Variants in TUBGCP5 observed in about 807,000 individuals in gnomAD.
TUBGCP5 encodes tubulin gamma complex component 5.
TUBGCP5 carries 98 observed loss-of-function variants against 134.7 expected under a neutral mutation model. That is an observed-to-expected ratio of 0.73 (90% CI 0.62 to 0.86). The LOEUF is 0.86. Ranked by LOEUF, TUBGCP5 falls within the 40% of genes least tolerant of loss-of-function variation. The pLI is 0.00. For missense variants in TUBGCP5, 1,150 were observed against 1,244.8 expected, an observed-to-expected ratio of 0.92 and a Z score of 1.15; for synonymous variants, 456 against 431.4, an observed-to-expected ratio of 1.06 and a Z score of -0.71.
intron 5 of TUBGCP5, among the ~76,000 whole-genome samples, chr15:23,031,640 T>C (rs1306952774): frequency 1.3e-5 from 2 of 151,986 alleles, no homozygotes. Flanking sequence ...ATTTATTTTT[T>C]AAAAATAGAC....
chr15:23,036,921 T>C lies in TUBGCP5; in HGVS notation c.285A>G (p.Pro95=), dbSNP rs750979460. The stretch of plus-strand genomic sequence containing the variant: ...CCTTTATTTCCTTTATACTGGGAAG[T>C]GGTGCATTTAGAAATTCCTCCGTTA... The part of the protein sequence containing the change: ...KRLTEEFLNA[P]LPSIKEIKTD... The change falls in exon 3 of 23, where the codon CCA becomes CCG. Residue 95 remains proline (P), a synonymous_variant. Coordinates refer to ENST00000615383, the MANE Select transcript of TUBGCP5 (RefSeq NM_052903.6). 2 of 1,610,782 alleles carry C rather than the reference T, an allele frequency of 1.2e-6. No homozygotes were observed. Among genetic ancestry groups the C allele is most frequent in the Admixed American group, 1.7e-5 (1 of 59,950 alleles).
chr15:22,993,916 A>T (rs2063950368), intron 23 of TUBGCP5, among the ~76,000 whole-genome samples: 1 of 151,258 alleles, frequency 6.6e-6, no homozygotes, highest in South Asian at 2.1e-4. Flanking sequence ...CCTGGGCTCA[A>T]GCGATTCGCC....
intron 13 of TUBGCP5, among the ~76,000 whole-genome samples, chr15:23,016,969 G>GATATGTGTATATATATATATATATAT (rs1555439436): frequency 1.7e-4 from 19 of 109,428 alleles, no homozygotes; most frequent in African/African-American, 6.8e-4. Flanking sequence ...AAAATTGTGA[G>GATATGTGTATATATATATATATATAT]ATATATATAT....
Position 23,022,075 on chromosome 15 carries a change from C to T in TUBGCP5, c.1255G>A (p.Gly419Arg). Reference protein sequence around the residue: ...LKVLHKVFSTGVAEVPPDTRN... With the variant: ...LKVLHKVFSTRVAEVPPDTRN... ...GTATCAGGTGGAACTTCTGCTACTC[C>T]AGTACTAAACACTTTGTGCAGAACC... Residue 419 changes from glycine to arginine, a missense_variant, in exon 11 of 23, where the codon GGA (glycine) becomes AGA (arginine). Physicochemically the swap from Gly to Arg is moderately radical, Grantham distance 125. This residue lies in a region of TUBGCP5 where 697 missense variants were observed against 850.1 expected (regional missense o/e 0.82). Transcript: ENST00000615383. 6.2e-7 allele frequency: 1 copy of T among 1,614,182 alleles called. No individual in the cohort carries two copies. The highest frequency in any genetic ancestry group is 8.5e-7 in the Non-Finnish European group (1 of 1,180,022).
chr15:23,021,331 A>G (rs537975396), intron 11 of TUBGCP5, among the ~76,000 whole-genome samples: 93 of 152,160 alleles, frequency 6.1e-4, no homozygotes, highest in African/African-American at 2.1e-3. Context: ...TCTTAACTGT[A>G]TATTTTAAAA....
chr15:22,987,471 G>T (rs180985853), intron 23 of TUBGCP5, among the ~76,000 whole-genome samples: 1 of 152,052 alleles, frequency 6.6e-6, no homozygotes, highest in African/African-American at 2.4e-5. Context: ...TCAAATCCCT[G>T]GAACCTGTGG....
At chr15:23,016,263 C>T (rs1006074081) in intron 13 of TUBGCP5, among the ~76,000 whole-genome samples, 2 of 152,148 alleles carry the variant, frequency 1.3e-5, no homozygotes, top group African/African-American at 4.8e-5. Flanking sequence ...GAGGCCAAGG[C>T]GGGCAGATCA....
At chr15:23,009,899 G>T in intron 15 of TUBGCP5, 46 bp downstream of exon 15, 1 of 1,548,558 alleles carries the variant, frequency 6.5e-7, no homozygotes, top group Non-Finnish European at 8.8e-7. Flanking sequence ...TGTTCTTCAA[G>T]TACAATCAAC....
At chr15:22,996,261 CT>C (rs1182381714), downstream of TUBGCP5, among the ~76,000 whole-genome samples, 2 of 152,070 alleles carry the variant, frequency 1.3e-5, no homozygotes, top group Non-Finnish European at 2.9e-5. Context: ...ACATGCCGGT[CT>C]TTTTATTTTA....
At chr15:23,029,491 G>A (rs566369852) in intron 6 of TUBGCP5, among the ~76,000 whole-genome samples, 15 of 152,266 alleles carry the variant, frequency 9.9e-5, no homozygotes, top group African/African-American at 2.9e-4. Context: ...AAAGTGCTGC[G>A]ATTACAGGCG....
intron 23 of TUBGCP5, among the ~76,000 whole-genome samples, chr15:22,993,462 G>A (rs186485454): frequency 2.1e-5 from 3 of 145,032 alleles, no homozygotes; most frequent in Admixed American, 7.1e-5. Flanking sequence ...GCAGTGGCAC[G>A]ATCAAGCTCA....
chr15:23,032,792 AAG>A lies in TUBGCP5; in HGVS notation c.340_341del (p.Leu114SerfsTer19). On this transcript the variant is annotated frameshift_variant, in exon 4 of 23. Coordinates refer to ENST00000615383, the MANE Select transcript of TUBGCP5 (RefSeq NM_052903.6). LOFTEE classifies it high-confidence loss of function. ...TDAHYSILSL[L>X]LCLSDSPSNS... ...TTGAAGGAGAGTCTGACAGACACAG[AAG>A]AAGTGACAGTATGGAATAATGTGCA... 1 of 1,594,130 alleles carries A rather than the reference AAG, an allele frequency of 6.3e-7. No individual in the cohort carries two copies. The highest frequency in any genetic ancestry group is 8.5e-7 in the Non-Finnish European group (1 of 1,173,188).
chr15:23,017,490 A>G (rs936654027), intron 13 of TUBGCP5, among the ~76,000 whole-genome samples: 1 of 152,192 alleles, frequency 6.6e-6, no homozygotes, highest in Non-Finnish European at 1.5e-5. Context: ...GCAGGGGATT[A>G]CTTTTTAAAG....
At chr15:23,033,431 A>C (rs1268346926) in intron 3 of TUBGCP5, among the ~76,000 whole-genome samples, 1 of 152,008 alleles carries the variant, frequency 6.6e-6, no homozygotes, top group Non-Finnish European at 1.5e-5. Context: ...GGTACGCACC[A>C]CCACGCCCGG....
intron 7 of TUBGCP5, 42 bp downstream of exon 7, chr15:23,027,149 GT>G (rs148827662): frequency 0.033 from 47,640 of 1,435,638 alleles, 1,059 homozygotes; most frequent in Non-Finnish European, 0.036. Context: ...AAACATCAAA[GT>G]TTCTTCTATC....
At chr15:23,004,389 G>C in intron 19 of TUBGCP5, 162 bp from the exon 20 acceptor site, 2 of 845,908 alleles carry the variant, frequency 2.4e-6, no homozygotes, top group Non-Finnish European at 3.5e-6. Context: ...AGGCTGGCTG[G>C]ATACTCTGGC....
intron 7 of TUBGCP5, among the ~76,000 whole-genome samples, chr15:23,026,856 C>G (rs1161260950): frequency 6.6e-6 from 1 of 152,024 alleles, no homozygotes; most frequent in Admixed American, 6.6e-5. Context: ...TTGCTGGAAC[C>G]CGGGAGGCAG....
downstream of TUBGCP5, among the ~76,000 whole-genome samples, chr15:22,998,139 AC>A (rs1236716953): frequency 1.3e-5 from 2 of 151,076 alleles, no homozygotes; most frequent in East Asian, 4.0e-4. Context: ...ACAAGGTGAA[AC>A]CCTGTCTCTA....
downstream of TUBGCP5, among the ~76,000 whole-genome samples, chr15:22,996,422 A>G (rs148878829): frequency 6.6e-6 from 1 of 152,026 alleles, no homozygotes; most frequent in Non-Finnish European, 1.5e-5. Flanking sequence ...AGGCCAGAGG[A>G]CTACTTGGGC....
Sources: gnomAD v4.1 joint callset for allele counts (sites outside exome capture counted in the v4.1 genomes callset) on GRCh38, gnomAD v4.1.1 for gene constraint, gnomAD v4.1.1 regional missense constraint, MANE v1.5 for transcripts, NCBI Gene and HGNC (gene_info 2026-07-23, HGNC 2026-07-21) for gene names.